The following CCDC3 variants were observed in gnomAD, a reference collection of about 807,000 sequenced individuals.
CCDC3 encodes coiled-coil domain-containing protein 3.
A neutral mutation model predicts 21.4 loss-of-function variants in CCDC3; 24 were observed. The observed-to-expected ratio is 1.12, with a 90% confidence interval of 0.81 to 1.58. CCDC3 has a LOEUF of 1.58. Ranked by LOEUF, CCDC3 falls within the 40% of genes most tolerant of loss-of-function variation. The pLI, the probability that CCDC3 is intolerant of heterozygous loss-of-function variation, is 0.00. For missense variants in CCDC3, 425 were observed against 360.9 expected, an observed-to-expected ratio of 1.18 and a Z score of -1.44; for synonymous variants, 186 against 166.0, an observed-to-expected ratio of 1.12 and a Z score of -0.93.
chr10:12,957,212 A>T (rs1242932742), intron 2 of CCDC3, among the ~76,000 whole-genome samples: 1 of 152,086 alleles, frequency 6.6e-6, no homozygotes, highest in Non-Finnish European at 1.5e-5. Context: ...TAACTTTGTC[A>T]ATTTCCACTT....
chr10:13,026,035 G>C (rs1363783403), intron 5 of CCDC3, among the ~76,000 whole-genome samples: 1 of 152,022 alleles, frequency 6.6e-6, no homozygotes, highest in African/African-American at 2.4e-5. Context: ...ATAAAAATTA[G>C]CTGGGCTTGG....
chr10:12,935,766 C>T (rs112301584), intron 2 of CCDC3, among the ~76,000 whole-genome samples: 12 of 151,886 alleles, frequency 7.9e-5, no homozygotes, highest in South Asian at 4.2e-4. Flanking sequence ...CGCAGGTTCA[C>T]GCCATTCTCC....
intron 5 of CCDC3, among the ~76,000 whole-genome samples, chr10:13,046,193 C>A (rs1045208264): frequency 3.3e-5 from 5 of 151,268 alleles, no homozygotes; most frequent in African/African-American, 1.2e-4. Context: ...ATTGCTTCAG[C>A]CCAGGAGTTA....
At position 13,014,373 on chromosome 10, in the gene CCDC3, C is replaced by A. The variant is rs540718718; in HGVS notation, c.-1-15861G>T. The stretch of plus-strand genomic sequence containing the variant: ...GCTGAGGCAGGAGAATGGCGGGAAC[C>A]CAGGAGTCGGAGCTTGCAGTGAGCC... On this transcript the variant is annotated intron_variant, in intron 5 of 6. Transcript: ENST00000378839. Among the ~76,000 whole-genome samples, 3 of 150,510 alleles carry A rather than the reference C, an allele frequency of 2.0e-5. No individual in the cohort carries two copies. In the South Asian group the frequency reaches 6.3e-4, roughly 32 times the overall value.
chr10:13,051,019 G>A (rs1836599648), intron 4 of CCDC3, among the ~76,000 whole-genome samples: 1 of 152,110 alleles, frequency 6.6e-6, no homozygotes, highest in African/African-American at 2.4e-5. Context: ...TCAAACTCCT[G>A]GTCTCAAGCC....
chr10:12,997,038 G>A (rs898099621), intron 2 of CCDC3, among the ~76,000 whole-genome samples: 6 of 151,946 alleles, frequency 3.9e-5, no homozygotes, highest in Non-Finnish European at 5.9e-5. Context: ...ATTTACCCAC[G>A]TCATAAACCT....
At chr10:13,086,208 A>C (rs1435400306) in intron 3 of CCDC3, among the ~76,000 whole-genome samples, 1 of 151,996 alleles carries the variant, frequency 6.6e-6, no homozygotes, top group Non-Finnish European at 1.5e-5. Flanking sequence ...CCCTTTGGGG[A>C]TTTATAATCA....
intron 2 of CCDC3, among the ~76,000 whole-genome samples, chr10:12,983,391 G>C (rs1276562272): frequency 6.6e-6 from 1 of 151,132 alleles, no homozygotes; most frequent in Non-Finnish European, 1.5e-5. Context: ...TGGGCAACAT[G>C]GTGAAACCTT....
chr10:12,900,522 C>CAAAAAAAA (rs10716235), intron 2 of CCDC3, among the ~76,000 whole-genome samples: 1,487 of 75,432 alleles, frequency 0.02, no homozygotes, highest in African/African-American at 0.022. Flanking sequence ...ACTAAAAATA[C>CAAAAAAAA]AAAAAAAAAA....
chr10:12,976,930 G>T (rs1365690947), intron 2 of CCDC3, among the ~76,000 whole-genome samples: 1 of 152,220 alleles, frequency 6.6e-6, no homozygotes, highest in African/African-American at 2.4e-5. Flanking sequence ...GGTATTGACA[G>T]AAGGAGTGGG....
intron 4 of CCDC3, chr10:13,058,545 G>A (rs1297311731): frequency 4.2e-6 from 3 of 717,184 alleles, no homozygotes; most frequent in East Asian, 2.5e-5. Context: ...TGGGTGTGCT[G>A]TATTTATTTT....
chr10:13,066,864 G>GT (rs1207153560), intron 4 of CCDC3, among the ~76,000 whole-genome samples: 1 of 152,056 alleles, frequency 6.6e-6, no homozygotes, highest in Non-Finnish European at 1.5e-5. Context: ...ACTTTGCTGA[G>GT]TTTTTTTGTT....
At chr10:13,014,861 C>T (rs191720882) in intron 5 of CCDC3, among the ~76,000 whole-genome samples, 1 of 152,168 alleles carries the variant, frequency 6.6e-6, no homozygotes, top group African/African-American at 2.4e-5. Context: ...TATTATGCAG[C>T]TACAATTCTT....
At chr10:13,089,825 C>G (rs1167758858) in intron 3 of CCDC3, among the ~76,000 whole-genome samples, 1 of 130,786 alleles carries the variant, frequency 7.6e-6, no homozygotes, top group Non-Finnish European at 1.6e-5. Flanking sequence ...TTTTATCCCC[C>G]ACCCCCCTCC....
At chr10:13,031,384 A>G (rs1047560202) in intron 5 of CCDC3, among the ~76,000 whole-genome samples, 2 of 152,244 alleles carry the variant, frequency 1.3e-5, no homozygotes, top group East Asian at 1.9e-4. Flanking sequence ...ATGCCCACAA[A>G]AGAAAGCAGG....
intron 4 of CCDC3, among the ~76,000 whole-genome samples, chr10:13,051,938 T>C (rs1260725613): frequency 2.6e-5 from 4 of 152,134 alleles, no homozygotes; most frequent in African/African-American, 9.7e-5. Flanking sequence ...GCTATGGCAC[T>C]AGGGATGACA....
At chr10:12,939,369 G>A (rs921831309) in intron 2 of CCDC3, among the ~76,000 whole-genome samples, 10 of 152,270 alleles carry the variant, frequency 6.6e-5, no homozygotes, top group South Asian at 2.1e-4. Flanking sequence ...AGTGGCTCAC[G>A]CCTGTAGTCC....
Position 13,010,758 on chromosome 10 carries a change from C to T in CCDC3, c.-1-12246G>A, listed in dbSNP as rs75745504. Among the ~76,000 whole-genome samples, 255 of 152,308 alleles carry T rather than the reference C, an allele frequency of 1.7e-3. 2 individuals are homozygous for T. Among genetic ancestry groups the T allele is most frequent in the African/African-American group, 6.0e-3 (248 of 41,550 alleles). Reference sequence around the variant, plus strand: ...AAATAAACCGTGGCCTGCAATTAAACACTACTCATCAATAGTAAGCAATGA... The same window carrying T: ...AAATAAACCGTGGCCTGCAATTAAATACTACTCATCAATAGTAAGCAATGA... On this transcript the variant is annotated intron_variant, in intron 5 of 6. Coordinates refer to the CCDC3 transcript ENST00000378839.
intron 3 of CCDC3, among the ~76,000 whole-genome samples, chr10:13,080,212 C>T (rs574197253): frequency 2.0e-5 from 3 of 151,014 alleles, no homozygotes; most frequent in African/African-American, 4.9e-5. Context: ...AGAGAGAGAG[C>T]GAGAGCGAGC....
Sources: allele counts gnomAD v4.1 joint callset (sites outside exome capture counted in the v4.1 genomes callset), GRCh38; gene constraint gnomAD v4.1.1; transcripts MANE v1.5; gene names NCBI Gene and HGNC (gene_info 2026-07-23, HGNC 2026-07-21).